The following CPS1 variants were observed in gnomAD, a reference collection of about 807,000 sequenced individuals.
CPS1 encodes carbamoyl-phosphate synthase [ammonia], mitochondrial.
In CPS1, 109 loss-of-function variants were observed where a neutral mutation model predicts 174.6. The ratio of observed to expected loss-of-function variants is 0.62; its 90% CI spans 0.53 to 0.73. CPS1 has a LOEUF of 0.73. CPS1 is among the 30% of genes least tolerant of loss of function. The pLI is 0.00. For synonymous variants in CPS1, 637 were observed against 632.0 expected (o/e 1.01, Z -0.12); for missense variants, 1,689 against 1,821.9 (o/e 0.93, Z 1.33).
chr2:210,521,421 C>G (rs1198681460), intron 1 of CPS1, among the ~76,000 whole-genome samples: 1 of 151,508 alleles, frequency 6.6e-6, no homozygotes, highest in African/African-American at 2.4e-5. Flanking sequence ...GTTTCTTGTG[C>G]TTGAGGATCA....
chr2:210,636,544 C>G (rs922920312), intron 21 of CPS1, among the ~76,000 whole-genome samples: 3 of 151,788 alleles, frequency 2.0e-5, no homozygotes, highest in African/African-American at 7.3e-5. Context: ...GTAAATAAGC[C>G]AAATGTATTC....
chr2:210,561,133 C>T (rs1452796578), intron 1 of CPS1, among the ~76,000 whole-genome samples: 4 of 152,128 alleles, frequency 2.6e-5, no homozygotes, highest in African/African-American at 4.8e-5. Context: ...TCACCAACAA[C>T]GCCTTGACAT....
At chr2:210,570,032 G>A (rs1284157122) in intron 1 of CPS1, among the ~76,000 whole-genome samples, 1 of 151,930 alleles carries the variant, frequency 6.6e-6, no homozygotes, top group African/African-American at 2.4e-5. Context: ...GGAACTGTTA[G>A]TTAGAAGAAA....
At chr2:210,673,477 C>T (rs889219730) in intron 34 of CPS1, 1 of 152,178 alleles carries the variant, frequency 6.6e-6, no homozygotes, top group Non-Finnish European at 1.5e-5. Context: ...AGGAAAGACA[C>T]AGCAATGGAC....
chr2:210,513,119 G>T (rs1280580064), intron 1 of CPS1, among the ~76,000 whole-genome samples: 2 of 118,464 alleles, frequency 1.7e-5, no homozygotes, highest in African/African-American at 5.9e-5. Flanking sequence ...TATATATGGA[G>T]ATATATATAT....
intron 5 of CPS1, among the ~76,000 whole-genome samples, chr2:210,581,281 A>C (rs970661656): frequency 6.6e-6 from 1 of 152,134 alleles, no homozygotes; most frequent in African/African-American, 2.4e-5. Flanking sequence ...TGATTCAGGA[A>C]AACTTTACAA....
chr2:210,554,377 A>G (rs995525794), upstream of CPS1, among the ~76,000 whole-genome samples: 2 of 151,498 alleles, frequency 1.3e-5, no homozygotes, highest in Admixed American at 1.3e-4. Context: ...TTCTCTCTAG[A>G]CTTTAGAGTA....
Position 210,674,479 on chromosome 2 carries a change from AAAACC to A in CPS1, c.4102-419_4102-415del, listed in dbSNP as rs59810738. Reference sequence around the variant, plus strand: ...AGCAAAAAACCCCATCTCAAAAAAAAAAACCAAAAAAAAAAAAAAGAAATAAGAGC... The same window carrying A: ...AGCAAAAAACCCCATCTCAAAAAAAAAAAAAAAAAAAAAAGAAATAAGAGC... On this transcript the variant is annotated intron_variant, in intron 34 of 37. Coordinates refer to ENST00000233072, the MANE Select transcript of CPS1 (RefSeq NM_001875.5). 0.18 allele frequency: 26,583 copies of A among 147,856 alleles called. 2,212 individuals carry two copies. The highest frequency in any genetic ancestry group is 0.19 in the Non-Finnish European group (13,528 of 69,778). 9.2% of individuals were successfully genotyped at this position (147,856 alleles called of 1,614,324 possible).
At chr2:210,594,779 T>C (rs1325448981) in intron 12 of CPS1, among the ~76,000 whole-genome samples, 173 bp downstream of exon 12, 1 of 151,988 alleles carries the variant, frequency 6.6e-6, no homozygotes, top group Non-Finnish European at 1.5e-5. Flanking sequence ...TGATGATGTC[T>C]AGTGGAACTT....
chr2:210,570,337 G>A (rs1384760352), intron 1 of CPS1, among the ~76,000 whole-genome samples: 1 of 151,898 alleles, frequency 6.6e-6, no homozygotes, highest in African/African-American at 2.4e-5. Context: ...CAACTACAGA[G>A]ATGGAAAGCA....
chr2:210,621,283 T>C (rs1699518825), intron 21 of CPS1, among the ~76,000 whole-genome samples: 1 of 152,162 alleles, frequency 6.6e-6, no homozygotes, highest in African/African-American at 2.4e-5. Context: ...AGTTGTGTCA[T>C]GTAGGATTCG....
intron 34 of CPS1, chr2:210,673,712 A>C (rs2105940480): frequency 6.6e-6 from 1 of 152,322 alleles, no homozygotes; most frequent in South Asian, 2.1e-4. Context: ...TTAATAGGCA[A>C]GTAACTGTGC....
chr2:210,672,248 T>C (rs1047738546), intron 34 of CPS1: 1 of 152,210 alleles, frequency 6.6e-6, no homozygotes, highest in Admixed American at 6.5e-5. Context: ...TTAGCACTTA[T>C]TATTGTCAAA....
chr2:210,678,122 C>A lies in CPS1; in HGVS notation c.*137C>A. 1.3e-6 allele frequency: 1 copy of A among 776,704 alleles called. No homozygotes were observed. The highest frequency in any genetic ancestry group is 1.4e-5 in the South Asian group (1 of 71,484). 48.1% of individuals were successfully genotyped at this position (776,704 alleles called of 1,614,324 possible). A position where few individuals can be genotyped will look rare whatever the true frequency, so the allele number is the denominator to read the frequency against. ...GTTTACTTTGTTATGCCTTAATATT[C>A]TGTGTCTTTTGCAATTAAATTGTCA... On this transcript the variant is annotated 3_prime_UTR_variant, in exon 38 of 38. Transcript: ENST00000233072.
intron 7 of CPS1, among the ~76,000 whole-genome samples, chr2:210,589,802 C>T (rs1012690771): frequency 4.6e-5 from 7 of 151,602 alleles, no homozygotes; most frequent in Non-Finnish European, 1.0e-4. Context: ...TGGGACCATA[C>T]CTGGCTAATT....
At chr2:210,569,342 G>A (rs1697404874) in intron 1 of CPS1, among the ~76,000 whole-genome samples, 1 of 151,982 alleles carries the variant, frequency 6.6e-6, no homozygotes, top group Non-Finnish European at 1.5e-5. Context: ...TGACATCTAA[G>A]CCAAGAGGAA....
chr2:210,570,821 T>C (rs1481965757), intron 1 of CPS1, among the ~76,000 whole-genome samples: 1 of 151,946 alleles, frequency 6.6e-6, no homozygotes, highest in Non-Finnish European at 1.5e-5. Flanking sequence ...AGGTTTCACC[T>C]AATAAAACAC....
chr2:210,642,454 T>C (rs1179104940), intron 24 of CPS1, 30 bp from the exon 25 acceptor site: 2 of 1,613,576 alleles, frequency 1.2e-6, no homozygotes, highest in Admixed American at 3.3e-5. Flanking sequence ...GCTTCTCTTA[T>C]CCCTTTTGCC....
intron 21 of CPS1, among the ~76,000 whole-genome samples, chr2:210,620,243 T>C (rs2105872332): frequency 6.6e-6 from 1 of 152,238 alleles, no homozygotes; most frequent in Admixed American, 6.5e-5. Context: ...ATATAAATAT[T>C]CACAGACTGA....
Sources: gnomAD v4.1 joint callset for allele counts (sites outside exome capture counted in the v4.1 genomes callset) on GRCh38, gnomAD v4.1.1 for gene constraint, MANE v1.5 for transcripts, NCBI Gene and HGNC (gene_info 2026-07-23, HGNC 2026-07-21) for gene names.